The following RBFOX1 variants were observed in gnomAD, a reference collection of about 807,000 sequenced individuals.
RBFOX1 encodes RNA binding protein fox-1 homolog 1.
In RBFOX1, 8 loss-of-function variants were observed where a neutral mutation model predicts 57.7. The observed-to-expected ratio is 0.14, with a 90% CI of 0.08 to 0.25. RBFOX1 has a LOEUF of 0.25. RBFOX1 is among the 10% of genes least tolerant of loss of function. The probability of loss-of-function intolerance (pLI) is 1.00; values close to 1 mark genes in which losing one functional copy is unlikely to be tolerated. For synonymous variants in RBFOX1, 326 were observed against 222.4 expected, an observed-to-expected ratio of 1.47 and a Z score of -4.15; for missense variants, 611 against 548.5, an observed-to-expected ratio of 1.11 and a Z score of -1.14.
intron 4 of RBFOX1, among the ~76,000 whole-genome samples, chr16:7,245,554 G>C (rs189207159): frequency 1.4e-4 from 21 of 152,244 alleles, no homozygotes; most frequent in Admixed American, 9.2e-4. Context: ...TAATCAACAA[G>C]ACAAAAATAA....
At chr16:6,504,949 T>C (rs2096051973) in intron 2 of RBFOX1, among the ~76,000 whole-genome samples, 1 of 151,982 alleles carries the variant, frequency 6.6e-6, no homozygotes, top group South Asian at 2.1e-4. Context: ...GGCAGGTGCC[T>C]GTAATCCCAG....
chr16:7,079,587 A>C (rs1160339981), intron 4 of RBFOX1, among the ~76,000 whole-genome samples: 1 of 152,208 alleles, frequency 6.6e-6, no homozygotes, highest in Non-Finnish European at 1.5e-5. Flanking sequence ...TGTATAAAGA[A>C]AAATAAAATG....
intron 3 of RBFOX1, among the ~76,000 whole-genome samples, chr16:7,025,455 C>A (rs989847462): frequency 6.6e-6 from 1 of 152,134 alleles, no homozygotes; most frequent in South Asian, 2.1e-4. Context: ...AATGCCTAAC[C>A]TTCTGGGAAT....
At chr16:7,307,200 C>T (rs796706925) in intron 4 of RBFOX1, among the ~76,000 whole-genome samples, 99 of 152,274 alleles carry the variant, frequency 6.5e-4, no homozygotes, top group African/African-American at 2.1e-3. Context: ...CTCTGACCAC[C>T]GGCCATCGAG....
intron 1 of RBFOX1, among the ~76,000 whole-genome samples, chr16:6,239,954 G>A (rs1220629890): frequency 1.3e-5 from 2 of 152,132 alleles, no homozygotes; most frequent in Non-Finnish European, 2.9e-5. Context: ...GGGGTGTTTC[G>A]GTTGTGGGAG....
intron 3 of RBFOX1, among the ~76,000 whole-genome samples, chr16:6,767,771 A>G (rs1208471626): frequency 2.0e-5 from 3 of 151,696 alleles, no homozygotes; most frequent in African/African-American, 4.8e-5. Flanking sequence ...AAAATTAGCC[A>G]GGCATGGTGA....
chr16:5,881,454 T>G (rs1273109720), intron 4 of RBFOX1, among the ~76,000 whole-genome samples: 1 of 151,832 alleles, frequency 6.6e-6, no homozygotes, highest in Non-Finnish European at 1.5e-5. Flanking sequence ...CTGAGGCAGG[T>G]GGATCACTTG....
intron 4 of RBFOX1, among the ~76,000 whole-genome samples, chr16:5,890,234 C>G (rs920634811): frequency 6.6e-6 from 1 of 152,162 alleles, no homozygotes; most frequent in Non-Finnish European, 1.5e-5. Flanking sequence ...ATAATAATAT[C>G]TAATTATAAC....
chr16:7,246,819 G>C (rs568113817), intron 4 of RBFOX1, among the ~76,000 whole-genome samples: 4 of 152,094 alleles, frequency 2.6e-5, no homozygotes, highest in African/African-American at 9.6e-5. Context: ...CTGACTGACT[G>C]ATCAAAGAGA....
chr16:6,971,541 T>A (rs908521055), intron 3 of RBFOX1, among the ~76,000 whole-genome samples: 7 of 151,188 alleles, frequency 4.6e-5, no homozygotes, highest in Non-Finnish European at 8.9e-5. Flanking sequence ...ACTGGAGAAT[T>A]TTGAGCAAAA....
chr16:6,139,767 G>A (rs192494853), intron 1 of RBFOX1, among the ~76,000 whole-genome samples: 10 of 151,582 alleles, frequency 6.6e-5, no homozygotes, highest in African/African-American at 2.4e-4. Flanking sequence ...TTCTCCTTAT[G>A]TATCTGTTTT....
At chr16:6,582,981 T>A (rs778628961) in intron 2 of RBFOX1, among the ~76,000 whole-genome samples, 1 of 151,070 alleles carries the variant, frequency 6.6e-6, no homozygotes, top group Non-Finnish European at 1.5e-5. Context: ...ATTCTGGACC[T>A]CCCTCTTCCT....
chr16:7,029,069 T>TACATATATATATATATATATATATAC (rs1393660608), intron 3 of RBFOX1, among the ~76,000 whole-genome samples: 1 of 55,602 alleles, frequency 1.8e-5, no homozygotes, highest in South Asian at 5.8e-4. Context: ...TATATATATA[T>TACATATATATATATATATATATATAC]ATATATATAT....
In RBFOX1 at chr16:6,097,397, G is replaced by A. The variant is rs373161448; in HGVS notation, c.-127+77405G>A. 5.3e-5 allele frequency among the ~76,000 whole-genome samples: 8 copies of A among 152,072 alleles called. No individual in the cohort carries two copies. The highest frequency in any genetic ancestry group is 1.7e-4 in the African/African-American group (7 of 41,398). On this transcript the variant is annotated intron_variant, in intron 1 of 15. Transcript: ENST00000550418. The surrounding 1 kb of genome is among the most constrained non-coding windows in gnomAD (Gnocchi z 5.0). ...CTAGAGAAGTACCACTCAAACCATG[G>A]TCTGCAGACTACCAGCATTAGCAAG...
intron 8 of RBFOX1, 47 bp downstream of exon 8, chr16:7,595,688 G>C (rs774840182): frequency 6.8e-7 from 1 of 1,480,506 alleles, no homozygotes; most frequent in Non-Finnish European, 9.2e-7. Flanking sequence ...ATAAATGTCT[G>C]CTTCACGCTC....
At chr16:5,786,759 G>C (rs74006296) in intron 3 of RBFOX1, among the ~76,000 whole-genome samples, 2 of 152,128 alleles carry the variant, frequency 1.3e-5, no homozygotes, top group African/African-American at 2.4e-5. Context: ...CTTCATGTCA[G>C]ACTCTTAATG....
intron 2 of RBFOX1, among the ~76,000 whole-genome samples, chr16:5,521,985 G>C (rs2044038553): frequency 6.6e-6 from 1 of 152,186 alleles, no homozygotes; most frequent in Non-Finnish European, 1.5e-5. Context: ...TAGGCTGTAA[G>C]ATACACAGGG....
chr16:6,494,076 G>T (rs1318479363), intron 2 of RBFOX1, among the ~76,000 whole-genome samples: 2 of 152,146 alleles, frequency 1.3e-5, no homozygotes, highest in Non-Finnish European at 2.9e-5. Context: ...AATTTTTACA[G>T]AGATAAATGT....
At chr16:7,305,766 A>T (rs1188996341) in intron 4 of RBFOX1, among the ~76,000 whole-genome samples, 1 of 152,246 alleles carries the variant, frequency 6.6e-6, no homozygotes, top group Non-Finnish European at 1.5e-5. Flanking sequence ...TTTTGAGAAC[A>T]GTCTTAAAAA....
Sources: gnomAD v4.1 joint callset for allele counts (sites outside exome capture counted in the v4.1 genomes callset) on GRCh38, gnomAD v4.1.1 for gene constraint, Gnocchi (gnomAD v3.1) non-coding constraint, MANE v1.5 for transcripts, NCBI Gene and HGNC (gene_info 2026-07-23, HGNC 2026-07-21) for gene names.